GARNL3: variants seen among roughly 807,000 people sequenced by gnomAD.
The protein encoded by GARNL3 is GTPase activating Rap/RanGAP domain like 3, also known as GTPase-activating Rap/Ran-GAP domain-like protein 3.
GARNL3 carries 63 observed loss-of-function variants against 125.0 expected under a neutral mutation model. That is an observed-to-expected ratio of 0.50 (90% CI 0.41 to 0.62). The LOEUF is 0.62. Among genes scored for constraint, GARNL3 ranks in the 20% least tolerant of loss-of-function variants. The pLI is 0.00. For synonymous variants in GARNL3, 439 were observed against 457.5 expected (o/e 0.96, Z 0.52); for missense variants, 994 against 1,244.0 (o/e 0.80, Z 3.02).
intron 2 of GARNL3, among the ~76,000 whole-genome samples, chr9:127,252,161 A>G (rs1176012573): frequency 1.3e-5 from 2 of 152,216 alleles, no homozygotes; most frequent in Non-Finnish European, 2.9e-5. Context: ...ACCTCCCTGC[A>G]TGTAAAATTA....
intron 16 of GARNL3, among the ~76,000 whole-genome samples, chr9:127,346,153 A>G (rs1224986080): frequency 1.3e-5 from 2 of 152,200 alleles, no homozygotes; most frequent in East Asian, 1.9e-4. Context: ...GTGATCATCA[A>G]AAATAAAACA....
chr9:127,311,333 G>T (rs778628964), intron 2 of GARNL3, among the ~76,000 whole-genome samples: 10 of 152,018 alleles, frequency 6.6e-5, no homozygotes, highest in Non-Finnish European at 1.3e-4. Flanking sequence ...TCCTCTAGGG[G>T]GCACCAACTC....
At chr9:127,386,716 A>G (rs1336707623) in intron 24 of GARNL3, among the ~76,000 whole-genome samples, 1 of 152,224 alleles carries the variant, frequency 6.6e-6, no homozygotes, top group African/African-American at 2.4e-5. Context: ...GATTTCATAG[A>G]TCACATCCAG....
At chr9:127,344,173 G>A (rs929078838) in intron 14 of GARNL3, 62 bp from the exon 15 acceptor site, 15 of 1,162,654 alleles carry the variant, frequency 1.3e-5, no homozygotes, top group Non-Finnish European at 1.6e-5. Flanking sequence ...TGCACTATGA[G>A]AAGCCAAAAG....
intron 2 of GARNL3, among the ~76,000 whole-genome samples, chr9:127,252,836 T>C (rs535980351): frequency 2.6e-4 from 40 of 152,338 alleles, no homozygotes; most frequent in Admixed American, 4.6e-4. Flanking sequence ...TTTAATGTTA[T>C]GGTGTCAGTC....
intron 8 of GARNL3, among the ~76,000 whole-genome samples, chr9:127,332,723 T>A (rs1382609380): frequency 6.6e-6 from 1 of 152,220 alleles, no homozygotes; most frequent in East Asian, 1.9e-4. Flanking sequence ...GTTAAATACC[T>A]GCTTATTCTG....
chr9:127,286,542 A>G (rs2064254100), intron 1 of GARNL3, among the ~76,000 whole-genome samples: 1 of 152,222 alleles, frequency 6.6e-6, no homozygotes, highest in South Asian at 2.1e-4. Context: ...TCTCAAACTG[A>G]TATTCTGATT....
chr9:127,386,460 C>T (rs1027655940), intron 24 of GARNL3, among the ~76,000 whole-genome samples: 2 of 152,196 alleles, frequency 1.3e-5, no homozygotes, highest in Admixed American at 6.5e-5. Flanking sequence ...AAGCTGCCAG[C>T]GTGACGCCAC....
At chr9:127,334,335 G>A (rs570395732) in intron 9 of GARNL3, among the ~76,000 whole-genome samples, 18 of 152,268 alleles carry the variant, frequency 1.2e-4, no homozygotes, top group African/African-American at 2.9e-4. Context: ...GTCAGGCAGC[G>A]GGTGTGAGGC....
intron 17 of GARNL3, 34 bp downstream of exon 17, chr9:127,349,069 T>C: frequency 7.0e-7 from 1 of 1,435,482 alleles, no homozygotes; most frequent in Non-Finnish European, 9.8e-7. Flanking sequence ...AATGTCTTTT[T>C]CATGTAACTT....
intron 2 of GARNL3, chr9:127,300,924 C>G (rs1413338584): frequency 9.0e-6 from 2 of 222,464 alleles, no homozygotes; most frequent in Non-Finnish European, 1.8e-5. Flanking sequence ...TAACTCGGCC[C>G]TGTTCCTTAG....
At chr9:127,295,020 C>T (rs1207009653) in intron 2 of GARNL3, among the ~76,000 whole-genome samples, 2 of 152,244 alleles carry the variant, frequency 1.3e-5, no homozygotes, top group Non-Finnish European at 2.9e-5. Context: ...GAGGCCAAGC[C>T]TCTGAACAGT....
chr9:127,284,685 C>G (rs918411933), intron 1 of GARNL3, among the ~76,000 whole-genome samples: 1 of 151,612 alleles, frequency 6.6e-6, no homozygotes, highest in African/African-American at 2.4e-5. Flanking sequence ...ATGTACTGTT[C>G]TTATTGTTGT....
intron 2 of GARNL3, among the ~76,000 whole-genome samples, chr9:127,305,939 A>G (rs2131438308): frequency 6.6e-6 from 1 of 152,082 alleles, no homozygotes; most frequent in Admixed American, 6.5e-5. Context: ...CCTCATATTG[A>G]CAGTTGGTAT....
rs1832505116 is a variant in GARNL3, at chr9:127,385,616, A to G, written c.2388+471A>G. On this transcript the variant is annotated intron_variant, in intron 24 of 27. Transcript: ENST00000373387. The surrounding 1 kb of genome is among the most constrained non-coding windows in gnomAD (Gnocchi z 4.1). Reference sequence around the variant, plus strand: ...GGGCAAAACGGAGGGATGCAGGAACAAAGATGCCTTCCAAGATGTCTTTTG... The same window carrying G: ...GGGCAAAACGGAGGGATGCAGGAACGAAGATGCCTTCCAAGATGTCTTTTG... 6.6e-6 allele frequency among the ~76,000 whole-genome samples: 1 copy of G among 152,176 alleles called. No homozygotes were observed. Among genetic ancestry groups the G allele is most frequent in the Non-Finnish European group, 1.5e-5 (1 of 68,016 alleles).
chr9:127,294,684 G>T (rs574759988), intron 2 of GARNL3, among the ~76,000 whole-genome samples: 2 of 152,278 alleles, frequency 1.3e-5, no homozygotes, highest in South Asian at 2.1e-4. Flanking sequence ...GAATAACCTA[G>T]CCTGCCATTA....
chr9:127,298,267 C>T (rs1033677138), intron 2 of GARNL3, among the ~76,000 whole-genome samples: 1 of 152,178 alleles, frequency 6.6e-6, no homozygotes, highest in African/African-American at 2.4e-5. Context: ...CAACCTCTGC[C>T]TTCTGGGTTC....
chr9:127,317,925 A>G (rs778088671), intron 4 of GARNL3, 138 bp from the exon 5 acceptor site: 63 of 711,670 alleles, frequency 8.9e-5, no homozygotes, highest in South Asian at 2.4e-4. Context: ...CAGTCATAGA[A>G]TGTGTTTATT....
At chr9:127,390,309 C>A (rs1832756427) in intron 26 of GARNL3, among the ~76,000 whole-genome samples, 1 of 152,166 alleles carries the variant, frequency 6.6e-6, no homozygotes, top group Non-Finnish European at 1.5e-5. Context: ...GCTTGATCTG[C>A]CCACCACTGT....
Sources: allele counts gnomAD v4.1 joint callset (sites outside exome capture counted in the v4.1 genomes callset), GRCh38; gene constraint gnomAD v4.1.1; non-coding constraint Gnocchi (gnomAD v3.1); transcripts MANE v1.5; gene names NCBI Gene and HGNC (gene_info 2026-07-23, HGNC 2026-07-21).